HAP1: variants seen among roughly 807,000 people sequenced by gnomAD.
HAP1 encodes huntingtin associated protein 1.
In HAP1, 59 loss-of-function variants were observed where a neutral mutation model predicts 60.3. The observed-to-expected ratio is 0.98, with a 90% confidence interval of 0.79 to 1.22. The LOEUF (loss-of-function observed/expected upper bound fraction) is 1.22. Ranked by LOEUF, HAP1 falls within the 50% of genes most tolerant of loss-of-function variation. The pLI is 0.00. For missense variants in HAP1, 825 were observed against 785.3 expected, an observed-to-expected ratio of 1.05 and a Z score of -0.60; for synonymous variants, 346 against 330.6, an observed-to-expected ratio of 1.05 and a Z score of -0.50.
Position 41,722,900 on chromosome 17 carries a change from G to A in HAP1, c.*1801C>T, listed in dbSNP as rs557777934. 270 of 152,594 alleles carry A rather than the reference G, an allele frequency of 1.8e-3. No homozygotes were observed. Among genetic ancestry groups the A allele is most frequent in the Middle Eastern group, 0.013 (4 of 316 alleles). The allele number at this position is 152,594 out of a possible 1,614,324, so 9.5% of individuals were successfully genotyped here. On this transcript the variant is annotated 3_prime_UTR_variant, in exon 11 of 11. Coordinates refer to ENST00000347901, the MANE Select transcript of HAP1 (RefSeq NM_177977.3). ...GGACACCCCCAGGCCACTGGCAGAA[G>A]AGGGAGGGAGGGAGAGGAGACACAC...
At chr17:41,732,843 G>T in intron 1 of HAP1, 45 bp from the exon 2 acceptor site, 1 of 1,103,796 alleles carries the variant, frequency 9.1e-7, no homozygotes. Context: ...GCCAGGTCAG[G>T]AAAAAGGAGC....
chr17:41,725,808 T>G, intron 10 of HAP1, 51 bp downstream of exon 10: 2 of 1,449,932 alleles, frequency 1.4e-6, no homozygotes, highest in Non-Finnish European at 1.9e-6. Flanking sequence ...GTGGGCTGTC[T>G]GGCTGCTGAA....
chr17:41,730,031 A>AAGAG (rs369845518), intron 6 of HAP1: 7,232 of 21,450 alleles, frequency 0.34, 2,633 homozygotes, highest in Middle Eastern at 0.62. Flanking sequence ...AAAAGAAAGA[A>AAGAG]AGAGAGAGAG....
At chr17:41,718,543 C>T (rs913462315), downstream of HAP1, among the ~76,000 whole-genome samples, 1 of 150,340 alleles carries the variant, frequency 6.7e-6, no homozygotes, top group African/African-American at 2.5e-5. Flanking sequence ...AGGTCCAGGC[C>T]CCCAAGCTCC....
Position 41,732,318 on chromosome 17 carries a change from C to G in HAP1, c.626G>C (p.Arg209Pro). ...CTGTTTCACCAGGGACTGGCCGATG[C>G]GAGCTGCAGTGTTCAGGTCCCTCTC... Reference protein sequence around the residue: ...QRERDLNTAARIGQSLVKQNS... With the variant: ...QRERDLNTAAPIGQSLVKQNS... The change falls in exon 3 of 11, where the codon CGC becomes CCC. Residue 209 changes from arginine (R) to proline (P), a missense_variant. Coordinates refer to ENST00000347901, the MANE Select transcript of HAP1 (RefSeq NM_177977.3). 1 of 1,614,024 alleles carries G rather than the reference C, an allele frequency of 6.2e-7. No homozygotes were observed. The highest frequency in any genetic ancestry group is 8.5e-7 in the Non-Finnish European group (1 of 1,179,896).
intron 2 of HAP1, 51 bp downstream of exon 2, chr17:41,732,668 C>CATGT (rs782647600): frequency 1.2e-5 from 18 of 1,469,022 alleles, no homozygotes; most frequent in Non-Finnish European, 1.6e-5. Flanking sequence ...CCCACCCCTA[C>CATGT]AGGACAAAAC....
downstream of HAP1, chr17:41,721,652 C>T (rs922362747): frequency 1.3e-5 from 2 of 153,446 alleles, no homozygotes; most frequent in Admixed American, 1.3e-4. Flanking sequence ...ACTGCAACCT[C>T]AACCTTCCAA....
chr17:41,727,943 C>T, intron 7 of HAP1, 107 bp from the exon 8 acceptor site: 4 of 750,182 alleles, frequency 5.3e-6, no homozygotes, highest in Admixed American at 2.2e-5. Flanking sequence ...CTTGGCAGCC[C>T]ATGAAATGAC....
chr17:41,732,267 C>T lies in HAP1; in HGVS notation c.677G>A (p.Ser226Asn), dbSNP rs144726236. 2.5e-6 allele frequency: 4 copies of T among 1,614,154 alleles called. No homozygotes were observed. Among genetic ancestry groups the T allele is most frequent in the East Asian group, 2.2e-5 (1 of 44,876 alleles). ...KQNSVLMEEN[S>N]KLEALLGSAK... ...TGAGCCCAGCAGGGCTTCCAGCTTG[C>T]TGTTCTCCTCCATCAAAACACTGTT... Residue 226 changes from serine to asparagine, a missense_variant, in exon 3 of 11, where the codon AGC (serine) becomes AAC (asparagine). By Grantham distance (46) the Ser-to-Asn change is conservative (BLOSUM62 1). Transcript: ENST00000347901.
intron 6 of HAP1, 45 bp downstream of exon 6, chr17:41,731,448 T>C (rs1912179815): frequency 7.5e-7 from 1 of 1,335,354 alleles, no homozygotes; most frequent in Admixed American, 1.7e-5. Flanking sequence ...TTCTTTTCTC[T>C]GCTCCTTGGG....
At chr17:41,732,498 G>T in intron 2 of HAP1, 104 bp from the exon 3 acceptor site, 1 of 1,249,504 alleles carries the variant, frequency 8.0e-7, no homozygotes. Flanking sequence ...TTAACCCACT[G>T]TGGAACCTGG....
chr17:41,728,061 CAAGAT>C (rs1555589453), intron 7 of HAP1, 135 bp downstream of exon 7: 2 of 1,021,884 alleles, frequency 2.0e-6, no homozygotes, highest in Admixed American at 2.0e-5. Flanking sequence ...AACAAGGGGT[CAAGAT>C]AAGGGGCTCT....
intron 9 of HAP1, among the ~76,000 whole-genome samples, chr17:41,726,433 G>A (rs575977353): frequency 4.7e-5 from 7 of 150,088 alleles, no homozygotes; most frequent in East Asian, 2.0e-4. Flanking sequence ...AGCCAGGCTC[G>A]TGCCTGTAGT....
chr17:41,720,688 AG>A (rs1327716969), downstream of HAP1: 1 of 152,212 alleles, frequency 6.6e-6, no homozygotes, highest in Non-Finnish European at 1.5e-5. Context: ...GGCCAAGTGC[AG>A]GGCAGTTAAA....
In HAP1 at chr17:41,731,546, T is replaced by C. The variant is rs1912195543; in HGVS notation, c.1016A>G (p.Asp339Gly). The change falls in exon 6 of 11, where the codon GAC (aspartate) becomes GGC (glycine). Residue 339 changes from aspartate to glycine, a missense_variant. Transcript: ENST00000347901. ...CATCTGTTCCTCATCCTCAAGAGTG[T>C]CGAGTTGAGAGGCCTGGAGGGAGAC... ...HQLREEASQL[D>G]TLEDEEQMLI... 1 of 1,612,604 alleles carries C rather than the reference T, an allele frequency of 6.2e-7. No homozygotes were observed.
At position 41,734,348 on chromosome 17, in the gene HAP1, A is replaced by G. The variant is rs781971905; in HGVS notation, c.287T>C (p.Met96Thr). The G allele has an allele frequency of 7.5e-6, 12 of 1,609,590 alleles. No individual in the cohort carries two copies. In the South Asian group the frequency reaches 1.3e-4, roughly 18 times the overall value. Residue 96 changes from methionine (M) to threonine (T), a missense_variant, in exon 1 of 11, where the codon ATG becomes ACG. Transcript: ENST00000347901. ...FSAIQGDVRS[M>T]PDNSDAPWTR... ...CCACGGCGCGTCCGAATTGTCGGGC[A>G]TAGACCGGACATCCCCTTGGATGGC...
Position 41,727,073 on chromosome 17 carries a change from G to T in HAP1, c.1347C>A (p.Asp449Glu). ...LRTSLRRMIS[D>E]PVYFMERNYE... ...CGCACCTCTCCATAAAATACACAGG[G>T]TCTGAGATCATCCTCCTTAGAGACG... Residue 449 changes from aspartate to glutamate, a missense_variant, in exon 9 of 11, where the codon GAC (aspartate) becomes GAA (glutamate). Coordinates refer to ENST00000347901, the MANE Select transcript of HAP1 (RefSeq NM_177977.3). The T allele has an allele frequency of 6.4e-7, 1 of 1,568,540 alleles. No homozygotes were observed. The highest frequency in any genetic ancestry group is 8.7e-7 in the Non-Finnish European group (1 of 1,147,494).
chr17:41,719,744 G>A (rs1214630315), downstream of HAP1, among the ~76,000 whole-genome samples: 3 of 151,526 alleles, frequency 2.0e-5, no homozygotes, highest in Non-Finnish European at 1.5e-5. Context: ...ACAAATAAAT[G>A]ATCAACATTG....
At chr17:41,727,446 C>T (rs1315838317) in intron 8 of HAP1, 3 of 778,542 alleles carry the variant, frequency 3.9e-6, no homozygotes, top group African/African-American at 3.4e-5. Flanking sequence ...GGAACCCACC[C>T]ACACGCTCTG....
Sources: gnomAD v4.1 joint callset for allele counts (sites outside exome capture counted in the v4.1 genomes callset) on GRCh38, gnomAD v4.1.1 for gene constraint, MANE v1.5 for transcripts, NCBI Gene and HGNC (gene_info 2026-07-23, HGNC 2026-07-21) for gene names.